Variants in PGAP2 observed in about 807,000 individuals in gnomAD.
PGAP2 encodes acyltransferase PGAP2.
A neutral mutation model predicts 33.2 loss-of-function variants in PGAP2; 21 were observed. The observed-to-expected ratio is 0.63, with a 90% CI of 0.45 to 0.91. The LOEUF is 0.91. Ranked by LOEUF, PGAP2 falls within the 40% of genes least tolerant of loss-of-function variation. PGAP2 has a pLI of 0.00. For synonymous variants in PGAP2, 161 were observed against 172.9 expected (o/e 0.93, Z 0.54); for missense variants, 345 against 424.0 (o/e 0.81, Z 1.64).
In PGAP2 at chr11:3,808,625, G is replaced by C. The variant is rs2084914642; in HGVS notation, c.-37G>C. 3.1e-6 allele frequency: 4 copies of C among 1,307,726 alleles called. No individual in the cohort carries two copies. The highest frequency in any genetic ancestry group is 3.9e-6 in the Non-Finnish European group (4 of 1,026,286). The allele number at this position is 1,307,726 out of a possible 1,614,324, so 81.0% of individuals were successfully genotyped here. A position where few individuals can be genotyped will look rare whatever the true frequency, so the allele number is the denominator to read the frequency against. On this transcript the variant is annotated 5_prime_UTR_variant, in exon 1 of 7. Transcript: ENST00000278243. ...CGGGCCACCTGGGCCCCCGGGTTCC[G>C]CCGGCACTCTCGCCACCACCGCGTG...
rs2090019091 is a variant in PGAP2, at chr11:3,826,363, G to A, written c.*905G>A. 2 of 152,050 alleles carry A rather than the reference G, an allele frequency of 1.3e-5. No individual in the cohort carries two copies. Among genetic ancestry groups the A allele is most frequent in the African/African-American group, 4.8e-5 (2 of 41,368 alleles). 9.4% of individuals were successfully genotyped at this position (152,050 alleles called of 1,614,324 possible). On this transcript the variant is annotated 3_prime_UTR_variant, in exon 7 of 7. Transcript: ENST00000278243. Reference sequence around the variant, plus strand: ...TTTTTTTTGGGCCAACAGTTGCCTAGGCTTGCTAGTCTTGGGGCTCATCTT... The same window carrying A: ...TTTTTTTTGGGCCAACAGTTGCCTAAGCTTGCTAGTCTTGGGGCTCATCTT...
chr11:3,818,240 C>T (rs2087613441), intron 3 of PGAP2, among the ~76,000 whole-genome samples: 1 of 150,696 alleles, frequency 6.6e-6, no homozygotes, highest in Non-Finnish European at 1.5e-5. Flanking sequence ...GTGATGTGTG[C>T]CTGTAATCCC....
rs1162026448 is a variant in PGAP2 at position 3,824,139 on chromosome 11, G to A, written c.601+4G>A. 5 of 1,613,896 alleles carry A rather than the reference G, an allele frequency of 3.1e-6. No individual in the cohort carries two copies. Among genetic ancestry groups the A allele is most frequent in the Non-Finnish European group, 4.2e-6 (5 of 1,179,848 alleles). On this transcript the variant is annotated splice_donor_region_variant and intron_variant, in intron 4 of 6. Transcript: ENST00000278243. ...GTCTCCTCCTCCGAGGACTTCAGTG[G>A]GTGCCTGGATGAGGGAGGAGTGGGG...
At chr11:3,824,572 T>C in intron 5 of PGAP2, 196 bp downstream of exon 5, 2 of 817,188 alleles carry the variant, frequency 2.4e-6, no homozygotes, top group Non-Finnish European at 3.9e-6. Flanking sequence ...AGCACTGTGT[T>C]TGGGTAGTGT....
chr11:3,814,407 C>A (rs1016179020), intron 2 of PGAP2, among the ~76,000 whole-genome samples: 3 of 152,114 alleles, frequency 2.0e-5, no homozygotes, highest in Admixed American at 2.0e-4. Flanking sequence ...CAGGTGCCCG[C>A]CACCACACCT....
At chr11:3,803,438 G>C (rs140596506) in intron 1 of PGAP2, among the ~76,000 whole-genome samples, 2,294 of 147,822 alleles carry the variant, frequency 0.016, 66 homozygotes, top group African/African-American at 0.054. Flanking sequence ...TTTTTGTTTT[G>C]TTTTTTTGAG....
intron 2 of PGAP2, among the ~76,000 whole-genome samples, chr11:3,812,876 G>A (rs971449231): frequency 6.6e-6 from 1 of 152,188 alleles, no homozygotes; most frequent in African/African-American, 2.4e-5. Flanking sequence ...GAGACCTGGG[G>A]CTGGGAGCTA....
chr11:3,798,389 G>T (rs1032101600), intron 1 of PGAP2, among the ~76,000 whole-genome samples: 1 of 152,170 alleles, frequency 6.6e-6, no homozygotes, highest in South Asian at 2.1e-4. Context: ...GAGTGCATTG[G>T]CGCAATCTCG....
chr11:3,811,258 A>G lies in PGAP2; in HGVS notation c.-2A>G, dbSNP rs778862508. The G allele has an allele frequency of 6.2e-7, 1 of 1,612,352 alleles. No homozygotes were observed. Among genetic ancestry groups the G allele is most frequent in the South Asian group, 1.1e-5 (1 of 90,898 alleles). ...TGCCACTCCATCCCCAGGTCTGACA[A>G]GATGTACCAGGTCCCACTACCACTG... On this transcript the variant is annotated 5_prime_UTR_variant, in exon 2 of 7. Transcript: ENST00000278243. The surrounding 1 kb of genome is among the most constrained non-coding windows in gnomAD (Gnocchi z 4.6).
At chr11:3,808,533 C>T, upstream of PGAP2, 1 of 1,400,814 alleles carries the variant, frequency 7.1e-7, no homozygotes, top group South Asian at 1.6e-5. Context: ...TAAGTTCCGC[C>T]CCGAGAGCGC....
chr11:3,807,033 GAGAA>G (rs536336932), upstream of PGAP2, among the ~76,000 whole-genome samples: 6 of 145,272 alleles, frequency 4.1e-5, no homozygotes, highest in Non-Finnish European at 6.0e-5. Flanking sequence ...AAAAAAAAGA[GAGAA>G]AGAAAGAAAA....
chr11:3,805,492 G>C (rs923674115), upstream of PGAP2, among the ~76,000 whole-genome samples: 3 of 150,698 alleles, frequency 2.0e-5, no homozygotes, highest in Admixed American at 1.3e-4. Context: ...GAACTCCTGG[G>C]CTCAAGTGAT....
chr11:3,817,566 G>A lies in PGAP2; in HGVS notation c.348+31G>A, dbSNP rs2087356401. 1.9e-6 allele frequency: 3 copies of A among 1,594,072 alleles called. No individual in the cohort carries two copies. In the African/African-American group the frequency reaches 4.0e-5, roughly 21 times the overall value. On this transcript the variant is annotated intron_variant, in intron 3 of 6. Transcript: ENST00000278243. ...TGCCAGCTCCCCAGCCCCTGGGTCA[G>A]GGCCAGGTCAGGAGGTGGCAGTTAG...
Position 3,817,487 on chromosome 11 carries a change from C to T in PGAP2, c.300C>T (p.Ile100=). Residue 100 remains isoleucine (I), a synonymous_variant, in exon 3 of 7, where the codon ATC becomes ATT. Transcript: ENST00000278243. ...FPVFGFFFCI[I]WSLVFHFEYT... is the part of the protein sequence containing the mutation. ...TGTTCGGCTTCTTCTTCTGCATCATCTGGTCCCTGGTGTTCCACTTTGAGT... is the reference window on the plus strand; with the variant it reads ...TGTTCGGCTTCTTCTTCTGCATCATTTGGTCCCTGGTGTTCCACTTTGAGT... The T allele has an allele frequency of 6.2e-7, 1 of 1,614,174 alleles. No homozygotes were observed. The highest frequency in any genetic ancestry group is 8.5e-7 in the Non-Finnish European group (1 of 1,180,030).
At chr11:3,807,292 C>A (rs2084559860), upstream of PGAP2, among the ~76,000 whole-genome samples, 1 of 134,564 alleles carries the variant, frequency 7.4e-6, no homozygotes, top group African/African-American at 2.7e-5. Context: ...GAGCCGAGAT[C>A]GTATCTATTT....
chr11:3,810,877 A>G (rs964957612), intron 1 of PGAP2, among the ~76,000 whole-genome samples: 7 of 152,224 alleles, frequency 4.6e-5, no homozygotes, highest in African/African-American at 1.7e-4. Context: ...GGGCCATGCC[A>G]TCCACTGGTA....
Position 3,820,769 on chromosome 11 carries a change from G to T in PGAP2, c.349-3114G>T, listed in dbSNP as rs2088385830. ...ACCTGGGAGGCGGAGGTTGCAATGA[G>T]CCAAGATTATGCCACTGTACTCCAG... On this transcript the variant is annotated intron_variant, in intron 3 of 6. Transcript: ENST00000278243. Among the ~76,000 whole-genome samples the T allele has an allele frequency of 2.0e-5, 3 of 152,172 alleles. No individual in the cohort carries two copies. In the South Asian group the frequency reaches 6.2e-4, roughly 32 times the overall value.
Position 3,824,083 on chromosome 11 carries a change from G to T in PGAP2, c.549G>T (p.Val183=). Residue 183 remains valine, a synonymous_variant, in exon 4 of 7, where the codon GTG becomes GTT. Coordinates refer to ENST00000278243, the MANE Select transcript of PGAP2 (RefSeq NM_014489.4). ...LCRLNFGLNV[V]ENLALLVLTY... ...GCCTCAACTTCGGCCTCAATGTCGT[G>T]GAGAACCTCGCGTTGCTAGTGCTCA... is the stretch of plus-strand genomic sequence containing the variant. The T allele has an allele frequency of 1.9e-6, 3 of 1,614,192 alleles. No individual in the cohort carries two copies. The highest frequency in any genetic ancestry group is 2.5e-6 in the Non-Finnish European group (3 of 1,180,026).
Position 3,823,976 on chromosome 11 carries a change from C to T in PGAP2, c.442C>T (p.Pro148Ser). ...TTTCTGCATCGGCCTGCACTCGGCG[C>T]CTCGCTTCTTGGTGGCCTTCGCCTA... ...WRFCIGLHSA[P>S]RFLVAFAYWN... The change falls in exon 4 of 7, where the codon CCT (proline) becomes TCT (serine). Residue 148 changes from proline (P) to serine (S), a missense_variant. This residue lies in a region of PGAP2 where 311 missense variants were observed against 353.6 expected (regional missense o/e 0.88). Coordinates refer to ENST00000278243, the MANE Select transcript of PGAP2 (RefSeq NM_014489.4). The T allele has an allele frequency of 6.2e-7, 1 of 1,612,834 alleles. No individual in the cohort carries two copies. Among genetic ancestry groups the T allele is most frequent in the Non-Finnish European group, 8.5e-7 (1 of 1,180,008 alleles).
Sources: gnomAD v4.1 joint callset for allele counts (sites outside exome capture counted in the v4.1 genomes callset) on GRCh38, gnomAD v4.1.1 for gene constraint, gnomAD v4.1.1 regional missense constraint, Gnocchi (gnomAD v3.1) non-coding constraint, MANE v1.5 for transcripts, NCBI Gene and HGNC (gene_info 2026-07-23, HGNC 2026-07-21) for gene names.